Variants in LVRN observed in about 807,000 individuals in gnomAD.
LVRN encodes aminopeptidase Q.
In LVRN, 99 loss-of-function variants were observed where a neutral mutation model predicts 111.4. The ratio of observed to expected loss-of-function variants is 0.89; its 90% CI spans 0.76 to 1.05. The LOEUF (loss-of-function observed/expected upper bound fraction) is 1.05. Among genes scored for constraint, LVRN ranks in the 50% least tolerant of loss-of-function variants. The probability of loss-of-function intolerance (pLI) is 0.00; values close to 1 mark genes in which losing one functional copy is unlikely to be tolerated. For missense variants in LVRN, 1,414 were observed against 1,206.8 expected (o/e 1.17, Z -2.54); for synonymous variants, 488 against 449.5 (o/e 1.09, Z -1.08).
intron 18 of LVRN, among the ~76,000 whole-genome samples, chr5:116,017,743 T>C (rs551670634): frequency 3.2e-4 from 49 of 152,332 alleles, no homozygotes; most frequent in African/African-American, 1.2e-3. Context: ...AATTTAATAA[T>C]GTGCTATTTA....
chr5:115,976,289 T>G (rs1378202660), intron 1 of LVRN: 1 of 152,260 alleles, frequency 6.6e-6, no homozygotes, highest in Non-Finnish European at 1.5e-5. Flanking sequence ...ACTTTTTGGT[T>G]AGATGAGAGT....
rs1383258443 is a variant in LVRN at position 115,974,747 on chromosome 5, G to A, written c.696-8540G>A. Reference sequence around the variant, plus strand: ...CTATTCAGTGTACATATTTTTCAGTGTTCCATGGAAAATTGTAATTATAGA... The same window carrying A: ...CTATTCAGTGTACATATTTTTCAGTATTCCATGGAAAATTGTAATTATAGA... On this transcript the variant is annotated intron_variant, in intron 1 of 19. Coordinates refer to ENST00000357872, the MANE Select transcript of LVRN (RefSeq NM_173800.5). The A allele has an allele frequency of 1.1e-3, 225 of 209,806 alleles. 1 individual carries two copies. Among genetic ancestry groups the A allele is most frequent in the Non-Finnish European group, 1.2e-4 (12 of 103,232 alleles). The allele number at this position is 209,806 out of a possible 1,614,324, so 13.0% of individuals were successfully genotyped here. A position where few individuals can be genotyped will look rare whatever the true frequency, so the allele number is the denominator to read the frequency against.
At chr5:115,966,594 T>C (rs1465580781) in intron 1 of LVRN, among the ~76,000 whole-genome samples, 1 of 152,210 alleles carries the variant, frequency 6.6e-6, no homozygotes, top group African/African-American at 2.4e-5. Context: ...GGGATCCTCC[T>C]ACCTTTGCCT....
rs549275331 is a variant in LVRN at position 116,016,873 on chromosome 5, C to A, written c.2756+1108C>A. Among the ~76,000 whole-genome samples, 693 of 152,038 alleles carry A rather than the reference C, an allele frequency of 4.6e-3. 2 individuals carry two copies. The highest frequency in any genetic ancestry group is 0.014 in the African/African-American group (572 of 41,482). ...TTGGTTCTGGAACTGTAAAAAAAAACCCATTAGTTAACATTTAGGCCTTGT... is the reference window on the plus strand; with the variant it reads ...TTGGTTCTGGAACTGTAAAAAAAAAACCATTAGTTAACATTTAGGCCTTGT... On this transcript the variant is annotated intron_variant, in intron 18 of 19. Transcript: ENST00000357872.
chr5:116,011,954 G>T (rs1748499501), intron 14 of LVRN, among the ~76,000 whole-genome samples: 1 of 151,910 alleles, frequency 6.6e-6, no homozygotes, highest in East Asian at 1.9e-4. Context: ...TTTTTTTGAG[G>T]AATGTATACT....
intron 15 of LVRN, among the ~76,000 whole-genome samples, chr5:116,013,977 G>A (rs933933625): frequency 4.6e-5 from 7 of 152,184 alleles, no homozygotes; most frequent in Admixed American, 2.6e-4. Context: ...TGTAGAAGGA[G>A]AGAAATGAAC....
At chr5:116,024,171 C>G (rs534957271) in intron 19 of LVRN, among the ~76,000 whole-genome samples, 2 of 152,190 alleles carry the variant, frequency 1.3e-5, no homozygotes, top group African/African-American at 4.8e-5. Context: ...AAGGGGTACA[C>G]AGTGGTCAAA....
At chr5:115,994,935 C>G (rs368146571) in intron 6 of LVRN, among the ~76,000 whole-genome samples, 1 of 152,188 alleles carries the variant, frequency 6.6e-6, no homozygotes, top group African/African-American at 2.4e-5. Context: ...TCTCTTCTGT[C>G]TCCTGTAACC....
chr5:115,974,108 T>C (rs1189220479), intron 1 of LVRN, among the ~76,000 whole-genome samples: 1 of 152,216 alleles, frequency 6.6e-6, no homozygotes, highest in Non-Finnish European at 1.5e-5. Context: ...ACCATCATAG[T>C]AGAAAGTTCT....
rs191406369 is a variant in LVRN at position 115,997,665 on chromosome 5, A to G, written c.1375-2097A>G. ...GGCAACTGAGTGAGACTCTCCAAAA[A>G]AAAAAAGGAAGAAATTTTAATAGGC... On this transcript the variant is annotated intron_variant, in intron 6 of 19. Coordinates refer to ENST00000357872, the MANE Select transcript of LVRN (RefSeq NM_173800.5). 2.7e-3 allele frequency among the ~76,000 whole-genome samples: 418 copies of G among 152,318 alleles called. 1 individual carries two copies. The highest frequency in any genetic ancestry group is 9.6e-3 in the African/African-American group (400 of 41,578).
At chr5:115,985,320 A>G (rs992839779) in intron 3 of LVRN, among the ~76,000 whole-genome samples, 1 of 152,152 alleles carries the variant, frequency 6.6e-6, no homozygotes, top group South Asian at 2.1e-4. Context: ...ATGTTTTATT[A>G]AGGGAACTTA....
chr5:115,999,949 G>A, intron 7 of LVRN, 47 bp downstream of exon 7: 1 of 1,561,680 alleles, frequency 6.4e-7, no homozygotes, highest in Non-Finnish European at 8.7e-7. Flanking sequence ...CTGGTAGAAA[G>A]TTGCATAAAA....
chr5:116,013,398 TAACC>T (rs1748530862), intron 15 of LVRN, among the ~76,000 whole-genome samples: 4 of 152,176 alleles, frequency 2.6e-5, no homozygotes, highest in African/African-American at 9.7e-5. Context: ...GCACATTTGT[TAACC>T]AGACATTTCC....
intron 1 of LVRN, among the ~76,000 whole-genome samples, chr5:115,966,148 AC>A (rs1753197202): frequency 6.6e-6 from 1 of 152,166 alleles, no homozygotes; most frequent in Admixed American, 6.5e-5. Flanking sequence ...TTGCGCAAAA[AC>A]TACCACAATA....
intron 18 of LVRN, chr5:116,021,643 A>G (rs1345961014): frequency 7.6e-6 from 3 of 393,990 alleles, no homozygotes; most frequent in South Asian, 2.0e-5. Flanking sequence ...TAACTATTCA[A>G]CTGTCTCTTG....
chr5:116,005,442 C>G (rs1748340468), intron 12 of LVRN, among the ~76,000 whole-genome samples: 2 of 152,296 alleles, frequency 1.3e-5, no homozygotes, highest in Admixed American at 1.3e-4. Context: ...GGCATTCTGT[C>G]ACGTTAGTAA....
Position 115,963,155 on chromosome 5 carries a change from T to C in LVRN, c.538T>C (p.Trp180Arg). ...TVGRVPVDDV[W>R]FALDTEYMVL... ...GGGCCGCGTGCCCGTGGACGACGTG[T>C]GGTTCGCGCTGGACACGGAATACAT... is the stretch of plus-strand genomic sequence containing the variant. The change falls in exon 1 of 20, where the codon TGG (tryptophan) becomes CGG (arginine). Residue 180 changes from tryptophan (W) to arginine (R), a missense_variant. By Grantham distance (101) the Trp-to-Arg change is moderately radical (BLOSUM62 -3). Transcript: ENST00000357872. The C allele has an allele frequency of 6.2e-7, 1 of 1,613,110 alleles. No homozygotes were observed. Among genetic ancestry groups the C allele is most frequent in the Non-Finnish European group, 8.5e-7 (1 of 1,179,834 alleles).
intron 6 of LVRN, among the ~76,000 whole-genome samples, chr5:115,995,034 G>A (rs1748076778): frequency 6.6e-6 from 1 of 152,070 alleles, no homozygotes; most frequent in Non-Finnish European, 1.5e-5. Context: ...CTGGATTACT[G>A]ACCTCTTTTC....
chr5:116,023,728 C>G (rs1297139271), intron 19 of LVRN: 1 of 152,082 alleles, frequency 6.6e-6, no homozygotes. Flanking sequence ...TAAATACAAC[C>G]TCTACACACC....
Sources: allele counts gnomAD v4.1 joint callset (sites outside exome capture counted in the v4.1 genomes callset), GRCh38; gene constraint gnomAD v4.1.1; transcripts MANE v1.5; gene names NCBI Gene and HGNC (gene_info 2026-07-23, HGNC 2026-07-21).